The following NEGR1 variants were observed in gnomAD, a reference collection of about 807,000 sequenced individuals.
NEGR1 encodes the protein IgLON family member 4.
NEGR1 carries 10 observed loss-of-function variants against 40.9 expected under a neutral mutation model. The ratio of observed to expected loss-of-function variants is 0.24; its 90% CI spans 0.15 to 0.42. NEGR1 has a LOEUF of 0.42. Among genes scored for constraint, NEGR1 ranks in the 10% least tolerant of loss-of-function variants. NEGR1 has a pLI of 1.00. For missense variants in NEGR1, 352 were observed against 438.9 expected, an observed-to-expected ratio of 0.80 and a Z score of 1.77; for synonymous variants, 185 against 166.8, an observed-to-expected ratio of 1.11 and a Z score of -0.84.
intron 1 of NEGR1, among the ~76,000 whole-genome samples, chr1:71,977,966 A>C (rs573543848): frequency 2.6e-5 from 4 of 152,268 alleles, no homozygotes; most frequent in Non-Finnish European, 5.9e-5. Flanking sequence ...AAGATGGAAC[A>C]AGTTTGAAGA....
intron 1 of NEGR1, among the ~76,000 whole-genome samples, chr1:72,177,662 C>T (rs1449878875): frequency 6.6e-6 from 1 of 151,902 alleles, no homozygotes; most frequent in East Asian, 1.9e-4. Flanking sequence ...AACAACACCA[C>T]CATTTAAATG....
chr1:71,563,438 C>T (rs1479938503), intron 6 of NEGR1, among the ~76,000 whole-genome samples: 1 of 151,852 alleles, frequency 6.6e-6, no homozygotes. Context: ...GTCATAAATG[C>T]CCACATAATT....
At chr1:71,801,042 C>T (rs1580232) in intron 2 of NEGR1, among the ~76,000 whole-genome samples, 129,065 of 152,124 alleles carry the variant, frequency 0.85, 55,797 homozygotes, top group East Asian at 1. Context: ...CACCCTACAA[C>T]GATGCACATT....
chr1:72,059,290 ATCCAAG>A (rs978128285), intron 1 of NEGR1, among the ~76,000 whole-genome samples: 4 of 150,982 alleles, frequency 2.6e-5, no homozygotes, highest in African/African-American at 9.8e-5. Context: ...TCTGTGTGTA[ATCCAAG>A]TCCACAATCA....
chr1:71,845,733 A>G (rs146619049), intron 2 of NEGR1, among the ~76,000 whole-genome samples: 3 of 151,546 alleles, frequency 2.0e-5, no homozygotes, highest in East Asian at 1.9e-4. Context: ...CTATCTATCT[A>G]TCTACCTACC....
intron 1 of NEGR1, among the ~76,000 whole-genome samples, chr1:72,169,913 T>G: frequency 6.6e-6 from 1 of 152,150 alleles, no homozygotes; most frequent in East Asian, 1.9e-4. Flanking sequence ...AGATATCGCT[T>G]GAAACCACCA....
chr1:71,532,134 C>G (rs1022796973), intron 6 of NEGR1, among the ~76,000 whole-genome samples: 3 of 151,520 alleles, frequency 2.0e-5, no homozygotes, highest in Non-Finnish European at 4.4e-5. Context: ...CCACTTTCTT[C>G]TTTAAATAGC....
At position 71,882,168 on chromosome 1, in the gene NEGR1, C is replaced by T. The variant is rs183941563; in HGVS notation, c.409+52911G>A. On this transcript the variant is annotated intron_variant, in intron 2 of 6. Transcript: ENST00000357731. ...ATGGACTGTCATCTAAATAAACAGA[C>T]GCGAAACTTGCTTTGTAGTTAGAAG... Among the ~76,000 whole-genome samples the T allele has an allele frequency of 3.3e-5, 5 of 152,184 alleles. No homozygotes were observed. The East Asian group carries it at 7.7e-4, about 24-fold the overall frequency.
At chr1:72,106,545 A>G (rs1649141119) in intron 1 of NEGR1, among the ~76,000 whole-genome samples, 1 of 152,100 alleles carries the variant, frequency 6.6e-6, no homozygotes, top group Non-Finnish European at 1.5e-5. Flanking sequence ...GGGAGAAAAA[A>G]AAATGAACTT....
In NEGR1 at chr1:72,016,247, A is replaced by G. The variant is rs140078993; in HGVS notation, c.177-80936T>C. ...AATATAAGTGTAAGAGGAACCTGAC[A>G]TTTTTATACCTATCATCCTTTACAA... On this transcript the variant is annotated intron_variant, in intron 1 of 6. Coordinates refer to ENST00000357731, the MANE Select transcript of NEGR1 (RefSeq NM_173808.3). 5.3e-3 allele frequency among the ~76,000 whole-genome samples: 804 copies of G among 152,288 alleles called. 9 individuals are homozygous for G. The highest frequency in any genetic ancestry group is 0.018 in the African/African-American group (742 of 41,562).
chr1:72,232,805 T>C lies in NEGR1; in HGVS notation c.176+49514A>G, dbSNP rs573509971. 7.2e-5 allele frequency among the ~76,000 whole-genome samples: 11 copies of C among 152,312 alleles called. No individual in the cohort carries two copies. In the South Asian group the frequency reaches 1.7e-3, roughly 23 times the overall value. Reference sequence around the variant, plus strand: ...GCCATCCTTGTATTTCCAAGAATTTTATTGTTACCACATAAGTTTGAGTTA... The same window carrying C: ...GCCATCCTTGTATTTCCAAGAATTTCATTGTTACCACATAAGTTTGAGTTA... On this transcript the variant is annotated intron_variant, in intron 1 of 6. Coordinates refer to ENST00000357731, the MANE Select transcript of NEGR1 (RefSeq NM_173808.3).
chr1:71,611,277 A>C, intron 4 of NEGR1, 131 bp from the exon 5 acceptor site: 1 of 759,022 alleles, frequency 1.3e-6, no homozygotes, highest in Non-Finnish European at 2.1e-6. Flanking sequence ...AACGCATCAC[A>C]TTTTCAGTGT....
At chr1:72,139,520 C>T (rs1265901177) in intron 1 of NEGR1, among the ~76,000 whole-genome samples, 1 of 151,906 alleles carries the variant, frequency 6.6e-6, no homozygotes, top group Non-Finnish European at 1.5e-5. Flanking sequence ...TTTATGCCAA[C>T]AAATTTAACA....
chr1:71,995,875 A>G (rs1171811964), intron 1 of NEGR1, among the ~76,000 whole-genome samples: 1 of 152,194 alleles, frequency 6.6e-6, no homozygotes, highest in Non-Finnish European at 1.5e-5. Flanking sequence ...AATGATGTTC[A>G]TGAAATTCTA....
chr1:71,656,595 G>C (rs1210394701), intron 4 of NEGR1, among the ~76,000 whole-genome samples: 1 of 151,964 alleles, frequency 6.6e-6, no homozygotes, highest in Non-Finnish European at 1.5e-5. Context: ...TGTATTTTTG[G>C]TAGAGACGGG....
At chr1:71,971,674 C>T (rs1646257700) in intron 1 of NEGR1, among the ~76,000 whole-genome samples, 1 of 152,126 alleles carries the variant, frequency 6.6e-6, no homozygotes, top group African/African-American at 2.4e-5. Context: ...GTAAGTTTTA[C>T]AAATATCCAT....
chr1:71,610,568 T>C (rs1035588886), intron 5 of NEGR1, among the ~76,000 whole-genome samples: 1 of 152,152 alleles, frequency 6.6e-6, no homozygotes, highest in African/African-American at 2.4e-5. Flanking sequence ...ATCTAAAACA[T>C]AGTGTTCTGT....
intron 1 of NEGR1, among the ~76,000 whole-genome samples, chr1:71,964,347 C>G (rs1466780426): frequency 6.6e-6 from 1 of 152,096 alleles, no homozygotes; most frequent in African/African-American, 2.4e-5. Flanking sequence ...CTCAAGAAGG[C>G]CCTAGGAATT....
chr1:72,032,166 G>C (rs1363344764), intron 1 of NEGR1, among the ~76,000 whole-genome samples: 1 of 152,160 alleles, frequency 6.6e-6, no homozygotes, highest in Non-Finnish European at 1.5e-5. Context: ...GTTTATAAGT[G>C]ATTCAAGCAT....
Sources: allele counts gnomAD v4.1 joint callset (sites outside exome capture counted in the v4.1 genomes callset), GRCh38; gene constraint gnomAD v4.1.1; transcripts MANE v1.5; gene names NCBI Gene and HGNC (gene_info 2026-07-23, HGNC 2026-07-21).